Variants in TTC3 observed in about 807,000 individuals in gnomAD.
TTC3 encodes tetratricopeptide repeat domain 3, also known as E3 ubiquitin-protein ligase TTC3.
In TTC3, 180 loss-of-function variants were observed where a neutral mutation model predicts 249.6. The ratio of observed to expected loss-of-function variants is 0.72; its 90% CI spans 0.64 to 0.82. The LOEUF (loss-of-function observed/expected upper bound fraction) is 0.82, where lower values mean the gene tolerates loss of function less well. Among genes scored for constraint, TTC3 ranks in the 40% least tolerant of loss-of-function variants. The pLI, the probability that TTC3 is intolerant of heterozygous loss-of-function variation, is 0.00. For synonymous variants in TTC3, 717 were observed against 805.0 expected (o/e 0.89, Z 1.85); for missense variants, 2,061 against 2,398.4 (o/e 0.86, Z 2.94).
chr21:37,165,498 A>G (rs939882827), intron 32 of TTC3, 52 bp from the exon 33 acceptor site: 1 of 1,383,632 alleles, frequency 7.2e-7, no homozygotes, highest in Non-Finnish European at 9.9e-7. Context: ...TCAAATAGAC[A>G]TATTCAAGTA....
intron 39 of TTC3, 187 bp downstream of exon 39, chr21:37,188,782 G>C: frequency 2.4e-6 from 1 of 424,272 alleles, no homozygotes; most frequent in Non-Finnish European, 4.2e-6. Context: ...ATTCTAAATG[G>C]ATAGATAACA....
At chr21:37,102,531 A>G (rs530535142) in intron 10 of TTC3, among the ~76,000 whole-genome samples, 14 of 152,330 alleles carry the variant, frequency 9.2e-5, no homozygotes, top group African/African-American at 3.4e-4. Flanking sequence ...TAAGTCTGAT[A>G]GTCAAGGGGC....
intron 14 of TTC3, among the ~76,000 whole-genome samples, chr21:37,125,183 A>G (rs1417572317): frequency 6.6e-6 from 1 of 152,158 alleles, no homozygotes; most frequent in Non-Finnish European, 1.5e-5. Context: ...GTAAACACTC[A>G]CCTCAGCCTG....
chr21:37,097,824 G>A, intron 10 of TTC3: 2 of 582,436 alleles, frequency 3.4e-6, no homozygotes, highest in Non-Finnish European at 6.2e-6. Flanking sequence ...GAAAGCGCTT[G>A]TATGGGAGGG....
intron 13 of TTC3, among the ~76,000 whole-genome samples, chr21:37,124,325 C>T (rs2076887030): frequency 6.6e-6 from 1 of 151,808 alleles, no homozygotes; most frequent in Non-Finnish European, 1.5e-5. Flanking sequence ...CCATGTTGGC[C>T]AGGCTGGTCT....
chr21:37,114,186 A>G (rs2075924061), intron 11 of TTC3, among the ~76,000 whole-genome samples: 1 of 152,110 alleles, frequency 6.6e-6, no homozygotes, highest in East Asian at 1.9e-4. Flanking sequence ...AAATTGACAA[A>G]TGGGATCTAA....
chr21:37,169,537 C>T (rs565835697), intron 34 of TTC3, among the ~76,000 whole-genome samples: 145 of 151,626 alleles, frequency 9.6e-4, no homozygotes, highest in African/African-American at 3.4e-3. Context: ...GAGTGAGACT[C>T]CATCTCAGTC....
At chr21:37,148,689 T>C (rs759653253) in intron 23 of TTC3, 42 bp downstream of exon 23, 10 of 1,351,294 alleles carry the variant, frequency 7.4e-6, no homozygotes, top group South Asian at 7.1e-5. Flanking sequence ...AGTATACTTA[T>C]TGTATGTCAA....
At chr21:37,175,099 C>CAA (rs11375399) in intron 35 of TTC3, among the ~76,000 whole-genome samples, 3,461 of 130,058 alleles carry the variant, frequency 0.027, 158 homozygotes, top group African/African-American at 0.088. Context: ...ACTAAAAATA[C>CAA]AAAAAAAAAA....
intron 11 of TTC3, among the ~76,000 whole-genome samples, chr21:37,117,304 C>G (rs1329881864): frequency 1.3e-5 from 2 of 151,992 alleles, no homozygotes; most frequent in Non-Finnish European, 2.9e-5. Context: ...GCAATTGAGT[C>G]CCAGAGAGGT....
intron 27 of TTC3, among the ~76,000 whole-genome samples, chr21:37,155,646 G>T (rs879446688): frequency 6.6e-6 from 1 of 152,202 alleles, no homozygotes; most frequent in East Asian, 1.9e-4. Flanking sequence ...AGAAGTGACC[G>T]TTTTATATTA....
At chr21:37,196,196 A>T (rs1427384610) in intron 42 of TTC3, among the ~76,000 whole-genome samples, 160 bp downstream of exon 42, 2 of 151,664 alleles carry the variant, frequency 1.3e-5, no homozygotes, top group East Asian at 3.9e-4. Flanking sequence ...TTGTAAATAT[A>T]GAGATAAGTA....
intron 41 of TTC3, chr21:37,194,603 A>G (rs182104767): frequency 2.0e-5 from 3 of 152,316 alleles, no homozygotes; most frequent in Admixed American, 1.3e-4. Flanking sequence ...TCTCAACCCA[A>G]TAAGGAAAGA....
intron 20 of TTC3, among the ~76,000 whole-genome samples, chr21:37,144,038 A>G (rs1389834271): frequency 6.6e-6 from 1 of 151,848 alleles, no homozygotes; most frequent in African/African-American, 2.4e-5. Context: ...GTGGGAATTG[A>G]ACAATGAGAA....
intron 28 of TTC3, chr21:37,157,133 A>G (rs1033080006): frequency 5.3e-5 from 76 of 1,438,214 alleles, no homozygotes; most frequent in Non-Finnish European, 7.0e-5. Flanking sequence ...TGTTATGCTA[A>G]CAATACACAA....
chr21:37,195,582 C>A, intron 41 of TTC3, 93 bp from the exon 42 acceptor site: 6 of 1,496,328 alleles, frequency 4.0e-6, no homozygotes, highest in Non-Finnish European at 4.5e-6. Context: ...CTCTGCGCTG[C>A]GTTACTGTAT....
chr21:37,191,816 T>C (rs2084161496), intron 40 of TTC3, among the ~76,000 whole-genome samples: 1 of 152,142 alleles, frequency 6.6e-6, no homozygotes, highest in Non-Finnish European at 1.5e-5. Flanking sequence ...GTCGATCTCC[T>C]GACCTCAGGT....
intron 18 of TTC3, among the ~76,000 whole-genome samples, chr21:37,137,310 C>T (rs2078038902): frequency 6.6e-6 from 1 of 152,154 alleles, no homozygotes; most frequent in Admixed American, 6.5e-5. Context: ...AAATTGAAAA[C>T]CTTCTGGAAA....
intron 11 of TTC3, among the ~76,000 whole-genome samples, chr21:37,111,925 T>C (rs964257452): frequency 2.7e-5 from 4 of 147,942 alleles, no homozygotes; most frequent in Non-Finnish European, 4.5e-5. Flanking sequence ...ACATGGAAAC[T>C]GAACAACCTG....
Sources: allele counts gnomAD v4.1 joint callset (sites outside exome capture counted in the v4.1 genomes callset), GRCh38; gene constraint gnomAD v4.1.1; transcripts MANE v1.5; gene names NCBI Gene and HGNC (gene_info 2026-07-23, HGNC 2026-07-21).